MAN1A2: variants seen among roughly 807,000 people sequenced by gnomAD.
The protein encoded by MAN1A2 is mannosidase alpha class 1A member 2, also known as mannosyl-oligosaccharide 1,2-alpha-mannosidase IB.
In MAN1A2, 26 loss-of-function variants were observed where a neutral mutation model predicts 75.7. The observed-to-expected ratio is 0.34, with a 90% CI of 0.25 to 0.48. MAN1A2 has a LOEUF of 0.48. Among genes scored for constraint, MAN1A2 ranks in the 20% least tolerant of loss-of-function variants. MAN1A2 has a pLI of 0.99. For missense variants in MAN1A2, 562 were observed against 775.5 expected, an observed-to-expected ratio of 0.72 and a Z score of 3.27; for synonymous variants, 247 against 264.6, an observed-to-expected ratio of 0.93 and a Z score of 0.65.
chr1:117,395,026 A>T (rs1322366759), intron 1 of MAN1A2, among the ~76,000 whole-genome samples: 2 of 152,214 alleles, frequency 1.3e-5, no homozygotes, highest in Non-Finnish European at 2.9e-5. Context: ...ATCATCCAGA[A>T]TGCTTCCAAA....
Position 117,499,385 on chromosome 1 carries a change from T to C in MAN1A2, c.1508T>C (p.Leu503Ser). The change falls in exon 11 of 13, where the codon TTA (leucine) becomes TCA (serine). Residue 503 changes from leucine (L) to serine (S), a missense_variant. Leu to Ser is a moderately radical substitution (Grantham distance 145). Transcript: ENST00000356554. Reference sequence around the variant, plus strand: ...TATTTCTTTTGTCATGTTACAGCATTAAAGCTAGGTCCTGAATCATTCAAG... The same window carrying C: ...TATTTCTTTTGTCATGTTACAGCATCAAAGCTAGGTCCTGAATCATTCAAG... The part of the protein sequence containing the change: ...TCHESYDRTA[L>S]KLGPESFKFD... The C allele has an allele frequency of 6.4e-7, 1 of 1,567,020 alleles. No individual in the cohort carries two copies.
intron 4 of MAN1A2, among the ~76,000 whole-genome samples, chr1:117,418,959 A>G (rs1012113132): frequency 2.0e-5 from 3 of 152,170 alleles, no homozygotes; most frequent in Non-Finnish European, 4.4e-5. Flanking sequence ...TCAGAGACCT[A>G]TAGGAAGTGA....
At chr1:117,387,158 GA>G (rs1653555399) in intron 1 of MAN1A2, among the ~76,000 whole-genome samples, 1 of 148,356 alleles carries the variant, frequency 6.7e-6, no homozygotes, top group African/African-American at 2.5e-5. Context: ...AATCATTAGG[GA>G]AATATAAAGC....
chr1:117,417,532 T>A (rs1648033203), intron 4 of MAN1A2, among the ~76,000 whole-genome samples: 1 of 113,110 alleles, frequency 8.8e-6, no homozygotes, highest in South Asian at 2.8e-4. Context: ...TCCTTGAGTT[T>A]AAATATATAT....
chr1:117,375,702 C>A (rs915745806), intron 1 of MAN1A2, among the ~76,000 whole-genome samples: 2 of 152,070 alleles, frequency 1.3e-5, no homozygotes, highest in African/African-American at 4.8e-5. Context: ...TTGAAAAATT[C>A]AGATCTTAGA....
Position 117,526,880 on chromosome 1 carries a change from C to CTCTCTCTCTCTCTCTA in MAN1A2, c.*3924_*3925insCTCTCTCTCTCTCTAT. 4.6e-4 allele frequency: 25 copies of CTCTCTCTCTCTCTCTA among 54,514 alleles called. No homozygotes were observed. Among genetic ancestry groups the CTCTCTCTCTCTCTCTA allele is most frequent in the African/African-American group, 1.5e-3 (19 of 12,284 alleles). The allele number at this position is 54,514 out of a possible 1,614,324, so 3.4% of individuals were successfully genotyped here. A position where few individuals can be genotyped will look rare whatever the true frequency, so the allele number is the denominator to read the frequency against. ...TCTCTCTCTCTCTCTCTCTCTCTCT[C>CTCTCTCTCTCTCTCTA]TATATATATATATATATATATATAT... On this transcript the variant is annotated 3_prime_UTR_variant, in exon 13 of 13. Transcript: ENST00000356554.
chr1:117,439,247 A>G (rs1648947995), intron 5 of MAN1A2, among the ~76,000 whole-genome samples: 1 of 152,168 alleles, frequency 6.6e-6, no homozygotes. Context: ...TCTTTGATAT[A>G]GGTATATACC....
intron 6 of MAN1A2, among the ~76,000 whole-genome samples, chr1:117,449,292 C>G (rs373397010): frequency 6.6e-6 from 1 of 152,134 alleles, no homozygotes; most frequent in South Asian, 2.1e-4. Flanking sequence ...GGCGTGGTGG[C>G]TCACACCTGT....
At chr1:117,373,142 GA>G (rs1653022615) in intron 1 of MAN1A2, among the ~76,000 whole-genome samples, 1 of 150,880 alleles carries the variant, frequency 6.6e-6, no homozygotes, top group South Asian at 2.1e-4. Context: ...TTCATGTTAT[GA>G]TTCGTGTTTT....
rs754338012 is a variant in MAN1A2, at chr1:117,460,624, T to C, written c.1074+12T>C. ...CTTACTACAAAAAGGTTTGTTTTCT[T>C]GCCTTCTATTCTTTGTTTGTTATAA... On this transcript the variant is annotated intron_variant, in intron 7 of 12. Transcript: ENST00000356554. The C allele has an allele frequency of 6.3e-7, 1 of 1,597,508 alleles. No homozygotes were observed. Among genetic ancestry groups the C allele is most frequent in the Non-Finnish European group, 8.5e-7 (1 of 1,174,228 alleles).
intron 5 of MAN1A2, among the ~76,000 whole-genome samples, chr1:117,428,173 G>A (rs1437072219): frequency 6.6e-6 from 1 of 151,378 alleles, no homozygotes; most frequent in Non-Finnish European, 1.5e-5. Flanking sequence ...GGAGTGCAGT[G>A]GTGTGATCAC....
At chr1:117,450,505 C>G (rs1315648097) in intron 6 of MAN1A2, among the ~76,000 whole-genome samples, 1 of 152,202 alleles carries the variant, frequency 6.6e-6, no homozygotes, top group Admixed American at 6.5e-5. Flanking sequence ...GCATAAGTAA[C>G]AGGGAGCTGA....
intron 5 of MAN1A2, among the ~76,000 whole-genome samples, chr1:117,439,580 G>A (rs1005235138): frequency 2.0e-5 from 3 of 151,548 alleles, no homozygotes; most frequent in South Asian, 2.1e-4. Flanking sequence ...TGCAACCTCC[G>A]CCTCCCGGGT....
chr1:117,367,988 G>T lies in MAN1A2; in HGVS notation c.-196G>T. ...GCAGGACCTAAACTTGTGATCGTTT[G>T]GGGGAGGTCACACACGTTTCTGAGT... is the stretch of plus-strand genomic sequence containing the variant. On this transcript the variant is annotated 5_prime_UTR_variant, in exon 1 of 13. Transcript: ENST00000356554. 1 of 576,036 alleles carries T rather than the reference G, an allele frequency of 1.7e-6. No homozygotes were observed. The highest frequency in any genetic ancestry group is 3.1e-6 in the Non-Finnish European group (1 of 326,272). 35.7% of individuals were successfully genotyped at this position (576,036 alleles called of 1,614,324 possible). A position where few individuals can be genotyped will look rare whatever the true frequency, so the allele number is the denominator to read the frequency against.
chr1:117,502,873 C>A lies in MAN1A2; in HGVS notation c.1696C>A (p.Arg566=). 1.3e-6 allele frequency: 2 copies of A among 1,598,330 alleles called. No individual in the cohort carries two copies. The highest frequency in any genetic ancestry group is 1.7e-5 in the Admixed American group (1 of 59,360). ...EAALAIEKYC[R]VNGGFSGVKD... ...TTCATAGGCCATTGAAAAGTATTGC[C>A]GAGTTAATGGTGGGTTTTCTGGAGT... is the stretch of plus-strand genomic sequence containing the variant. The change falls in exon 12 of 13, where the codon CGA becomes AGA. Residue 566 remains arginine, a synonymous_variant. Coordinates refer to ENST00000356554, the MANE Select transcript of MAN1A2 (RefSeq NM_006699.5).
chr1:117,425,498 C>T (rs1299982734), intron 5 of MAN1A2, among the ~76,000 whole-genome samples: 1 of 152,084 alleles, frequency 6.6e-6, no homozygotes, highest in Admixed American at 6.5e-5. Context: ...AAGGGTAATA[C>T]ATCATGACCA....
At chr1:117,402,597 C>A (rs1412295930) in intron 2 of MAN1A2, among the ~76,000 whole-genome samples, 156 bp downstream of exon 2, 1 of 145,662 alleles carries the variant, frequency 6.9e-6, no homozygotes, top group Non-Finnish European at 1.5e-5. Context: ...AGAACTCTTT[C>A]TTGTTTTTTT....
intron 5 of MAN1A2, among the ~76,000 whole-genome samples, chr1:117,441,794 A>G (rs181628649): frequency 6.6e-6 from 1 of 152,280 alleles, no homozygotes; most frequent in Admixed American, 6.5e-5. Flanking sequence ...TTTCTATCAT[A>G]TGATTAAACC....
chr1:117,409,141 C>G (rs887027587), intron 3 of MAN1A2, among the ~76,000 whole-genome samples: 5 of 151,934 alleles, frequency 3.3e-5, no homozygotes, highest in African/African-American at 1.2e-4. Context: ...GATTTCTACT[C>G]TTTATTGTTT....
Sources: gnomAD v4.1 joint callset for allele counts (sites outside exome capture counted in the v4.1 genomes callset) on GRCh38, gnomAD v4.1.1 for gene constraint, MANE v1.5 for transcripts, NCBI Gene and HGNC (gene_info 2026-07-23, HGNC 2026-07-21) for gene names.